VTI1B: variants seen among roughly 807,000 people sequenced by gnomAD.
VTI1B encodes vesicle transport through interaction with t-SNAREs homolog 1B.
In VTI1B, 18 loss-of-function variants were observed where a neutral mutation model predicts 28.6. The observed-to-expected ratio is 0.63, with a 90% CI of 0.43 to 0.93. The LOEUF (loss-of-function observed/expected upper bound fraction) is 0.93, where lower values mean the gene tolerates loss of function less well. Among genes scored for constraint, VTI1B ranks in the 40% least tolerant of loss-of-function variants. The probability of loss-of-function intolerance (pLI) is 0.00; values close to 1 mark genes in which losing one functional copy is unlikely to be tolerated. For synonymous variants in VTI1B, 100 were observed against 107.9 expected, an observed-to-expected ratio of 0.93 and a Z score of 0.46; for missense variants, 283 against 297.0, an observed-to-expected ratio of 0.95 and a Z score of 0.35.
chr14:67,671,412 G>A (rs1026757302), intron 1 of VTI1B, among the ~76,000 whole-genome samples: 3 of 152,068 alleles, frequency 2.0e-5, no homozygotes, highest in Non-Finnish European at 2.9e-5. Context: ...TGTAATCCCA[G>A]CTACTCGGAA....
In VTI1B at chr14:67,653,459, T is replaced by C; in HGVS notation, c.580A>G (p.Ile194Val). Residue 194 changes from isoleucine to valine, a missense_variant, in exon 5 of 6, where the codon ATT (isoleucine) becomes GTT (valine). Coordinates refer to ENST00000554659, the MANE Select transcript of VTI1B (RefSeq NM_006370.3). ...TACTTTCTGGACATTGAACGGAGAA[T>C]CTTCCGACTTTTGCTCAAGTTTTCA... ...TSENLSKSRK[I>V]LRSMSRKVTT... The C allele has an allele frequency of 6.2e-7, 1 of 1,614,052 alleles. No homozygotes were observed. The highest frequency in any genetic ancestry group is 8.5e-7 in the Non-Finnish European group (1 of 1,179,958).
At chr14:67,669,908 T>C (rs936836642) in intron 1 of VTI1B, among the ~76,000 whole-genome samples, 4 of 152,152 alleles carry the variant, frequency 2.6e-5, no homozygotes, top group African/African-American at 9.6e-5. Context: ...GAGAACAGCC[T>C]GGATAACATG....
Position 67,650,679 on chromosome 14 carries a change from G to T in VTI1B, c.*706C>A, listed in dbSNP as rs1260813067. On this transcript the variant is annotated 3_prime_UTR_variant, in exon 6 of 6. Coordinates refer to ENST00000554659, the MANE Select transcript of VTI1B (RefSeq NM_006370.3). ...TGACCCTCACTGAGAGTAGCAGCAA[G>T]GGAACCTGAGGTTTTGTCACACTTT... 7.5e-6 allele frequency: 12 copies of T among 1,599,734 alleles called. No homozygotes were observed. Among genetic ancestry groups the T allele is most frequent in the Non-Finnish European group, 1.0e-5 (12 of 1,168,442 alleles).
chr14:67,649,871 A>G lies in VTI1B; in HGVS notation c.*1514T>C, dbSNP rs1169185618. ...CTTGTTCAGATCACCCTTCATCCAG[A>G]ATAACCAACTAAAAAGTTAAATTCT... On this transcript the variant is annotated 3_prime_UTR_variant, in exon 6 of 6. Transcript: ENST00000554659. 6 of 152,174 alleles carry G rather than the reference A, an allele frequency of 3.9e-5. No individual in the cohort carries two copies. Among genetic ancestry groups the G allele is most frequent in the Non-Finnish European group, 8.8e-5 (6 of 68,024 alleles). 9.4% of individuals were successfully genotyped at this position (152,174 alleles called of 1,614,324 possible). A position where few individuals can be genotyped will look rare whatever the true frequency, so the allele number is the denominator to read the frequency against.
In VTI1B at chr14:67,647,803, G is replaced by A; in HGVS notation, c.*3582C>T. On this transcript the variant is annotated 3_prime_UTR_variant, in exon 6 of 6. Transcript: ENST00000554659. Reference sequence around the variant, plus strand: ...GTGTAAGGCAGAAATATACATTGGAGTTAGTCTGTCTGAGGTATGCAGAAC... The same window carrying A: ...GTGTAAGGCAGAAATATACATTGGAATTAGTCTGTCTGAGGTATGCAGAAC... 1 of 491,668 alleles carries A rather than the reference G, an allele frequency of 2.0e-6. No individual in the cohort carries two copies. Among genetic ancestry groups the A allele is most frequent in the Non-Finnish European group, 3.6e-6 (1 of 275,210 alleles). 30.5% of individuals were successfully genotyped at this position (491,668 alleles called of 1,614,324 possible).
Position 67,649,077 on chromosome 14 carries a change from G to C in VTI1B, c.*2308C>G, listed in dbSNP as rs2037138462. On this transcript the variant is annotated 3_prime_UTR_variant, in exon 6 of 6. Coordinates refer to ENST00000554659, the MANE Select transcript of VTI1B (RefSeq NM_006370.3). The stretch of plus-strand genomic sequence containing the variant: ...ATCTGCAATCTTAGATGTTGCCAGT[G>C]GTCCTTAGGTTATTGGCCAGAGAAC... 1.3e-5 allele frequency: 2 copies of C among 152,154 alleles called. No homozygotes were observed. The highest frequency in any genetic ancestry group is 2.1e-4 in the South Asian group (1 of 4,826). The allele number at this position is 152,154 out of a possible 1,614,324, so 9.4% of individuals were successfully genotyped here.
chr14:67,658,765 T>C (rs543335867), intron 3 of VTI1B, among the ~76,000 whole-genome samples: 1 of 152,354 alleles, frequency 6.6e-6, no homozygotes, highest in African/African-American at 2.4e-5. Flanking sequence ...TTCTGTCAGC[T>C]TCTAATCTGT....
intron 1 of VTI1B, among the ~76,000 whole-genome samples, chr14:67,667,389 G>A (rs1216521939): frequency 6.6e-6 from 1 of 152,138 alleles, no homozygotes; most frequent in Admixed American, 6.6e-5. Context: ...CACCGTGACA[G>A]CTGACTAGAT....
intron 4 of VTI1B, among the ~76,000 whole-genome samples, chr14:67,656,005 G>A (rs2037250256): frequency 6.6e-6 from 1 of 152,102 alleles, no homozygotes; most frequent in African/African-American, 2.4e-5. Context: ...TAGCACTTTG[G>A]GAGGCCGGAG....
intron 1 of VTI1B, among the ~76,000 whole-genome samples, chr14:67,669,812 C>T (rs1271769647): frequency 6.6e-6 from 1 of 152,190 alleles, no homozygotes; most frequent in African/African-American, 2.4e-5. Context: ...TCAAAACCAA[C>T]TCTTGGGCCG....
At position 67,659,814 on chromosome 14, in the gene VTI1B, C is replaced by A. The variant is rs777393364; in HGVS notation, c.283G>T (p.Val95Leu). 1 of 1,614,132 alleles carries A rather than the reference C, an allele frequency of 6.2e-7. No individual in the cohort carries two copies. Among genetic ancestry groups the A allele is most frequent in the Non-Finnish European group, 8.5e-7 (1 of 1,180,032 alleles). ...RKDLAKLHREVRSTPLTATPG... is the reference protein window; with the variant it reads ...RKDLAKLHRELRSTPLTATPG... ...GTGGCTGTCAAAGGTGTGCTTCTCACCTCCCGATGGAGTTTAGCAAGGTCC... is the reference window on the plus strand; with the variant it reads ...GTGGCTGTCAAAGGTGTGCTTCTCAACTCCCGATGGAGTTTAGCAAGGTCC... Residue 95 changes from valine (V) to leucine (L), a missense_variant, in exon 3 of 6, where the codon GTG becomes TTG. Val to Leu is a conservative substitution (Grantham distance 32). Coordinates refer to ENST00000554659, the MANE Select transcript of VTI1B (RefSeq NM_006370.3).
chr14:67,649,594 A>ACAAAT lies in VTI1B; in HGVS notation c.*1786_*1790dup, dbSNP rs2037146246. Reference sequence around the variant, plus strand: ...CAGGTTTAGTCAGTGGAAATCAGAGACAAATCAGGAACACAGGTCCATGTG... The same window carrying ACAAAT: ...CAGGTTTAGTCAGTGGAAATCAGAGACAAATCAAATCAGGAACACAGGTCCATGTG... On this transcript the variant is annotated 3_prime_UTR_variant, in exon 6 of 6. Transcript: ENST00000554659. 1 of 152,224 alleles carries ACAAAT rather than the reference A, an allele frequency of 6.6e-6. No individual in the cohort carries two copies. 9.4% of individuals were successfully genotyped at this position (152,224 alleles called of 1,614,324 possible). A position where few individuals can be genotyped will look rare whatever the true frequency, so the allele number is the denominator to read the frequency against.
intron 1 of VTI1B, among the ~76,000 whole-genome samples, chr14:67,671,008 C>T (rs1420342341): frequency 6.6e-6 from 1 of 152,124 alleles, no homozygotes; most frequent in African/African-American, 2.4e-5. Context: ...CATTAAAGCT[C>T]TGAAAACTTT....
At chr14:67,658,891 A>T (rs1352967037) in intron 3 of VTI1B, among the ~76,000 whole-genome samples, 1 of 152,198 alleles carries the variant, frequency 6.6e-6, no homozygotes, top group Non-Finnish European at 1.5e-5. Context: ...AACTATAATC[A>T]GGATGCATCG....
chr14:67,656,898 T>G (rs1482782353), intron 3 of VTI1B, among the ~76,000 whole-genome samples: 2 of 152,194 alleles, frequency 1.3e-5, no homozygotes, highest in African/African-American at 4.8e-5. Flanking sequence ...CTGGTCCATG[T>G]GCCTCCTGGA....
intron 1 of VTI1B, among the ~76,000 whole-genome samples, chr14:67,662,858 G>A (rs1426835549): frequency 2.1e-5 from 3 of 144,234 alleles, no homozygotes; most frequent in Non-Finnish European, 4.5e-5. Context: ...AGCCGAGATT[G>A]CGCCATTGCA....
chr14:67,648,144 C>T lies in VTI1B; in HGVS notation c.*3241G>A, dbSNP rs2140784990. The T allele has an allele frequency of 6.2e-7, 1 of 1,613,992 alleles. No homozygotes were observed. The highest frequency in any genetic ancestry group is 8.5e-7 in the Non-Finnish European group (1 of 1,179,918). On this transcript the variant is annotated 3_prime_UTR_variant, in exon 6 of 6. Coordinates refer to ENST00000554659, the MANE Select transcript of VTI1B (RefSeq NM_006370.3). ...TCCTGTTGTCGGGGGACTAACCTAT[C>T]GAGAAGGCATGTATATTGCTGAGGA...
rs2037359067 is a variant in VTI1B, at chr14:67,663,047, G to A, written c.116-512C>T. ...CACCTACTCGGCTTGCTGAGAGGCT[G>A]TCTGGTGTGGTGCTTGTTTTTCTCT... is the stretch of plus-strand genomic sequence containing the variant. On this transcript the variant is annotated intron_variant, in intron 1 of 5. Coordinates refer to ENST00000554659, the MANE Select transcript of VTI1B (RefSeq NM_006370.3). The A allele has an allele frequency of 1.6e-5, 23 of 1,440,212 alleles. No individual in the cohort carries two copies. The South Asian group carries it at 1.9e-4, about 12-fold the overall frequency. 89.2% of individuals were successfully genotyped at this position (1,440,212 alleles called of 1,614,324 possible). A position where few individuals can be genotyped will look rare whatever the true frequency, so the allele number is the denominator to read the frequency against.
At chr14:67,661,809 C>T (rs2037338977) in intron 2 of VTI1B, among the ~76,000 whole-genome samples, 1 of 152,122 alleles carries the variant, frequency 6.6e-6, no homozygotes, top group African/African-American at 2.4e-5. Flanking sequence ...GTTGGGATTG[C>T]AAGCGTGAGC....
Sources: allele counts gnomAD v4.1 joint callset (sites outside exome capture counted in the v4.1 genomes callset), GRCh38; gene constraint gnomAD v4.1.1; transcripts MANE v1.5; gene names NCBI Gene and HGNC (gene_info 2026-07-23, HGNC 2026-07-21).